MAGI2: variants seen among roughly 807,000 people sequenced by gnomAD.
MAGI2 encodes membrane associated guanylate kinase, WW and PDZ domain containing 2.
In MAGI2, 35 loss-of-function variants were observed where a neutral mutation model predicts 133.3. The ratio of observed to expected loss-of-function variants is 0.26; its 90% CI spans 0.20 to 0.35. The LOEUF is 0.35. Ranked by LOEUF, MAGI2 falls within the 10% of genes least tolerant of loss-of-function variation. The pLI, the probability that MAGI2 is intolerant of heterozygous loss-of-function variation, is 1.00. For missense variants in MAGI2, 1,636 were observed against 1,863.4 expected (o/e 0.88, Z 2.25); for synonymous variants, 729 against 710.6 (o/e 1.03, Z -0.41).
intron 2 of MAGI2, among the ~76,000 whole-genome samples, chr7:78,871,016 G>C (rs1311240294): frequency 6.6e-6 from 1 of 152,044 alleles, no homozygotes; most frequent in Non-Finnish European, 1.5e-5. Context: ...AAATGCATAA[G>C]AACAATCTAA....
chr7:78,656,993 A>G (rs1812365137), intron 2 of MAGI2, among the ~76,000 whole-genome samples: 1 of 151,764 alleles, frequency 6.6e-6, no homozygotes, highest in Non-Finnish European at 1.5e-5. Flanking sequence ...CCAGTATAAA[A>G]AAAAAAAAAA....
intron 13 of MAGI2, among the ~76,000 whole-genome samples, chr7:78,183,946 A>T (rs1438591814): frequency 1.3e-5 from 2 of 152,204 alleles, no homozygotes; most frequent in African/African-American, 4.8e-5. Context: ...AACTATTTGG[A>T]TTGGTTCTTT....
At position 78,573,256 on chromosome 7, in the gene MAGI2, A is replaced by AT. The variant is rs1491462320; in HGVS notation, c.539-51612_539-51611insA. On this transcript the variant is annotated intron_variant, in intron 3 of 21. Transcript: ENST00000354212. ...TAAATATATATATATAAATATATAT[A>AT]AATATAAATATATATAAATATATAT... Among the ~76,000 whole-genome samples, 39 of 33,712 alleles carry AT rather than the reference A, an allele frequency of 1.2e-3. 1 individual carries two copies. The highest frequency in any genetic ancestry group is 3.6e-3 in the African/African-American group (36 of 9,986). The allele number at this position is 33,712 out of a possible 152,430, so 22.1% of individuals were successfully genotyped here. A position where few individuals can be genotyped will look rare whatever the true frequency, so the allele number is the denominator to read the frequency against.
At chr7:78,703,743 A>G (rs971774769) in intron 2 of MAGI2, among the ~76,000 whole-genome samples, 1 of 152,020 alleles carries the variant, frequency 6.6e-6, no homozygotes, top group African/African-American at 2.4e-5. Flanking sequence ...TAGTTTATAT[A>G]CCATGCCACC....
intron 6 of MAGI2, among the ~76,000 whole-genome samples, chr7:78,451,104 A>T (rs1435200676): frequency 6.6e-6 from 1 of 152,054 alleles, no homozygotes; most frequent in East Asian, 1.9e-4. Flanking sequence ...AATTAAAGTG[A>T]ACTCACTGCT....
chr7:79,280,380 G>A (rs12706097), intron 1 of MAGI2, among the ~76,000 whole-genome samples: 124,228 of 151,936 alleles, frequency 0.82, 50,963 homozygotes, highest in Non-Finnish European at 0.85. Context: ...GATATTGTAT[G>A]TAGGAGATAT....
At chr7:78,862,912 A>G (rs948975515) in intron 2 of MAGI2, among the ~76,000 whole-genome samples, 3 of 152,248 alleles carry the variant, frequency 2.0e-5, no homozygotes, top group Non-Finnish European at 4.4e-5. Flanking sequence ...ACAGAAAGGC[A>G]AAGTTAGACA....
intron 2 of MAGI2, among the ~76,000 whole-genome samples, chr7:78,748,844 A>C (rs1307849208): frequency 6.6e-6 from 1 of 152,218 alleles, no homozygotes. Flanking sequence ...AAAAATCAAA[A>C]TACCTTTTCA....
chr7:78,813,538 C>A (rs1789261449), intron 2 of MAGI2, among the ~76,000 whole-genome samples: 1 of 152,116 alleles, frequency 6.6e-6, no homozygotes, highest in African/African-American at 2.4e-5. Flanking sequence ...GTAATCCCAA[C>A]ACTTTGGGAG....
At chr7:78,059,451 A>C (rs1812989055) in intron 21 of MAGI2, among the ~76,000 whole-genome samples, 1 of 152,072 alleles carries the variant, frequency 6.6e-6, no homozygotes, top group Non-Finnish European at 1.5e-5. Context: ...TTGTGACTTT[A>C]CCTTTTGGTA....
intron 4 of MAGI2, chr7:78,518,020 A>G (rs1259108900): frequency 6.6e-6 from 1 of 152,156 alleles, no homozygotes; most frequent in African/African-American, 2.4e-5. Context: ...AAAAAATAGG[A>G]ATCAGATATA....
At chr7:78,498,956 C>T (rs1187717169) in intron 5 of MAGI2, among the ~76,000 whole-genome samples, 1 of 152,106 alleles carries the variant, frequency 6.6e-6, no homozygotes, top group African/African-American at 2.4e-5. Context: ...ATTGTTTCCT[C>T]CATTTTGTTT....
At chr7:78,093,977 G>C (rs943864369) in intron 20 of MAGI2, among the ~76,000 whole-genome samples, 3 of 152,170 alleles carry the variant, frequency 2.0e-5, no homozygotes, top group Non-Finnish European at 4.4e-5. Flanking sequence ...CTATGGGCTG[G>C]AGGGAGCAGA....
chr7:78,040,471 G>C (rs1293708792), intron 21 of MAGI2, among the ~76,000 whole-genome samples: 3 of 152,310 alleles, frequency 2.0e-5, no homozygotes, highest in African/African-American at 7.2e-5. Flanking sequence ...GGTCAGGAAG[G>C]GGGCGCCCGA....
intron 1 of MAGI2, among the ~76,000 whole-genome samples, chr7:79,334,074 T>C (rs1030072859): frequency 8.5e-5 from 13 of 152,314 alleles, no homozygotes; most frequent in Middle Eastern, 3.4e-3. Context: ...GTCATCTCTA[T>C]ACACATCTAG....
rs1337760964 is a variant in MAGI2 at position 78,135,171 on chromosome 7, T to C, written c.2881A>G (p.Ser961Gly). 6.2e-7 allele frequency: 1 copy of C among 1,614,010 alleles called. No individual in the cohort carries two copies. The highest frequency in any genetic ancestry group is 1.3e-5 in the African/African-American group (1 of 74,896). Residue 961 changes from serine (S) to glycine (G), a missense_variant, in exon 17 of 22, where the codon AGT becomes GGT. Ser to Gly is a moderately conservative substitution (Grantham distance 56, BLOSUM62 0). This residue lies in a region of MAGI2 where 920 missense variants were observed against 1,093.5 expected (regional missense o/e 0.84). Coordinates refer to ENST00000354212, the MANE Select transcript of MAGI2 (RefSeq NM_012301.4). ...AGTTTTGCACAGCGATCTGCAGGAC[T>C]CCCATCAATGATGCGTCCGATTTTA... ...PHKIGRIIDG[S>G]PADRCAKLKV...
intron 16 of MAGI2, among the ~76,000 whole-genome samples, chr7:78,143,385 G>C (rs1275525068): frequency 6.6e-6 from 1 of 151,998 alleles, no homozygotes; most frequent in African/African-American, 2.4e-5. Flanking sequence ...CCTTTTAAAG[G>C]GCTGGTTGCC....
intron 1 of MAGI2, among the ~76,000 whole-genome samples, chr7:79,300,511 C>T (rs1837311865): frequency 6.6e-6 from 1 of 152,176 alleles, no homozygotes; most frequent in South Asian, 2.1e-4. Context: ...TGTGACCTGG[C>T]TGCTCCTAAA....
intron 1 of MAGI2, among the ~76,000 whole-genome samples, chr7:79,282,352 C>T (rs572735548): frequency 5.3e-5 from 8 of 152,182 alleles, no homozygotes; most frequent in East Asian, 3.9e-4. Flanking sequence ...TTTTTACTTG[C>T]GGGCTGTGAT....
Sources: gnomAD v4.1 joint callset for allele counts (sites outside exome capture counted in the v4.1 genomes callset) on GRCh38, gnomAD v4.1.1 for gene constraint, gnomAD v4.1.1 regional missense constraint, MANE v1.5 for transcripts, NCBI Gene and HGNC (gene_info 2026-07-23, HGNC 2026-07-21) for gene names.